Variants in CNTNAP2 observed in about 807,000 individuals in gnomAD.
CNTNAP2 encodes the protein contactin associated protein 2.
Under a neutral mutation model 155.2 loss-of-function variants are expected in CNTNAP2, and 98 were observed. The observed-to-expected ratio is 0.63, with a 90% CI of 0.54 to 0.75. The LOEUF (loss-of-function observed/expected upper bound fraction) is 0.75, where lower values mean the gene tolerates loss of function less well. Ranked by LOEUF, CNTNAP2 falls within the 30% of genes least tolerant of loss-of-function variation. The pLI is 0.00. For missense variants in CNTNAP2, 1,727 were observed against 1,688.1 expected, an observed-to-expected ratio of 1.02 and a Z score of -0.40; for synonymous variants, 651 against 631.2, an observed-to-expected ratio of 1.03 and a Z score of -0.47.
At chr7:147,838,635 C>T (rs898757864) in intron 13 of CNTNAP2, among the ~76,000 whole-genome samples, 6 of 152,174 alleles carry the variant, frequency 3.9e-5, no homozygotes, top group Non-Finnish European at 7.4e-5. Flanking sequence ...AAAGAATCAC[C>T]TTTGCTCCAG....
rs530068832 is a variant in CNTNAP2 at position 147,410,576 on chromosome 7, G to A, written c.1670+14796G>A. Among the ~76,000 whole-genome samples the A allele has an allele frequency of 1.6e-4, 25 of 152,254 alleles. No homozygotes were observed. In the South Asian group the frequency reaches 5.2e-3, roughly 32 times the overall value. ...ACAAAAACAACCACAAAGAAATGCA[G>A]GTAGTGAGATACTGGATTAAAAAGG... On this transcript the variant is annotated intron_variant, in intron 10 of 23. Coordinates refer to ENST00000361727, the MANE Select transcript of CNTNAP2 (RefSeq NM_014141.6).
intron 1 of CNTNAP2, among the ~76,000 whole-genome samples, chr7:146,648,981 C>T (rs1013866795): frequency 2.0e-5 from 3 of 151,848 alleles, no homozygotes; most frequent in African/African-American, 7.3e-5. Flanking sequence ...TTGTAGTAGA[C>T]AGAAGAAGAC....
At chr7:148,021,050 AC>A (rs1359129172) in intron 15 of CNTNAP2, among the ~76,000 whole-genome samples, 2 of 152,130 alleles carry the variant, frequency 1.3e-5, no homozygotes, top group African/African-American at 4.8e-5. Flanking sequence ...TTTCATTAGC[AC>A]CTGTTTTGTT....
intron 9 of CNTNAP2, among the ~76,000 whole-genome samples, chr7:147,377,066 T>C (rs1035000284): frequency 3.3e-5 from 5 of 151,956 alleles, no homozygotes; most frequent in African/African-American, 1.2e-4. Flanking sequence ...CTTTTCAGTA[T>C]AGTATTTCTT....
chr7:146,842,489 G>T (rs987608323), intron 3 of CNTNAP2, among the ~76,000 whole-genome samples: 2 of 152,056 alleles, frequency 1.3e-5, no homozygotes, highest in African/African-American at 4.8e-5. Flanking sequence ...GTCTGTTCTT[G>T]CACTGCTGTT....
At chr7:148,295,954 A>C (rs1797276660) in intron 21 of CNTNAP2, among the ~76,000 whole-genome samples, 1 of 152,186 alleles carries the variant, frequency 6.6e-6, no homozygotes, top group African/African-American at 2.4e-5. Flanking sequence ...AGATTCAGGA[A>C]AACCCACTGT....
In CNTNAP2 at chr7:147,404,229, G is replaced by A. The variant is rs367779456; in HGVS notation, c.1670+8449G>A. ...TCAATCCTGACATCGTTGTGACTGT[G>A]ATCCCATCAAACTACAAATAATCAA... is the stretch of plus-strand genomic sequence containing the variant. On this transcript the variant is annotated intron_variant, in intron 10 of 23. Coordinates refer to ENST00000361727, the MANE Select transcript of CNTNAP2 (RefSeq NM_014141.6). Among the ~76,000 whole-genome samples the A allele has an allele frequency of 8.5e-5, 13 of 152,154 alleles. No homozygotes were observed. In the East Asian group the frequency reaches 9.6e-4, roughly 11 times the overall value.
intron 10 of CNTNAP2, 104 bp downstream of exon 10, chr7:147,395,884 C>G: frequency 7.6e-7 from 1 of 1,308,428 alleles, no homozygotes; most frequent in African/African-American, 1.4e-5. Flanking sequence ...AAGTTAAAAA[C>G]AGGTAAGGTG....
chr7:147,490,195 G>T (rs1584767085), intron 11 of CNTNAP2, among the ~76,000 whole-genome samples: 1 of 152,078 alleles, frequency 6.6e-6, no homozygotes, highest in Middle Eastern at 3.4e-3. Flanking sequence ...GGAAACAGGA[G>T]GAATAAACTA....
intron 8 of CNTNAP2, among the ~76,000 whole-genome samples, chr7:147,188,910 G>A (rs933251292): frequency 2.0e-5 from 3 of 152,068 alleles, no homozygotes; most frequent in Admixed American, 2.0e-4. Context: ...TTAGGGGCTA[G>A]CATCACAAAA....
At chr7:147,680,099 C>T (rs1038690267) in intron 13 of CNTNAP2, among the ~76,000 whole-genome samples, 3 of 151,576 alleles carry the variant, frequency 2.0e-5, no homozygotes, top group African/African-American at 7.3e-5. Flanking sequence ...CATCAAATAG[C>T]AAAGGGCAAT....
intron 1 of CNTNAP2, among the ~76,000 whole-genome samples, chr7:146,656,940 T>C (rs1800005231): frequency 6.6e-6 from 1 of 152,188 alleles, no homozygotes; most frequent in Non-Finnish European, 1.5e-5. Flanking sequence ...TTTTTGTACA[T>C]TGAGATCCCA....
At position 148,362,418 on chromosome 7, in the gene CNTNAP2, C is replaced by T. The variant is rs1798642492; in HGVS notation, c.3476-21231C>T. On this transcript the variant is annotated intron_variant, in intron 21 of 23. Transcript: ENST00000361727. ...TGTCTTTCCATAAAAAGGTCACACT[C>T]ACAGGTAATTTGACATAGCTTTTTG... Among the ~76,000 whole-genome samples, 4 of 151,968 alleles carry T rather than the reference C, an allele frequency of 2.6e-5. No individual in the cohort carries two copies. In the South Asian group the frequency reaches 8.3e-4, roughly 32 times the overall value.
At chr7:147,445,386 T>C (rs992188886) in intron 10 of CNTNAP2, among the ~76,000 whole-genome samples, 2 of 152,208 alleles carry the variant, frequency 1.3e-5, no homozygotes, top group African/African-American at 4.8e-5. Flanking sequence ...TAGGATTCAC[T>C]TGGTTAGGGC....
intron 1 of CNTNAP2, among the ~76,000 whole-genome samples, chr7:146,464,163 G>T: frequency 7.2e-6 from 1 of 138,782 alleles, no homozygotes; most frequent in Non-Finnish European, 1.6e-5. Flanking sequence ...CTTTTATTTT[G>T]CTCAATGTCT....
At chr7:146,249,046 G>A (rs1799713943) in intron 1 of CNTNAP2, among the ~76,000 whole-genome samples, 1 of 152,074 alleles carries the variant, frequency 6.6e-6, no homozygotes, top group African/African-American at 2.4e-5. Context: ...GAGCTTTTGA[G>A]CCAGGATGAG....
chr7:146,774,872 C>T lies in CNTNAP2; in HGVS notation c.208+491C>T, dbSNP rs543425909. ...CTATTATAAAATCTGTGTAAAAAAT[C>T]GTTAGATGTGTGCAACTACAATGTG... On this transcript the variant is annotated intron_variant, in intron 2 of 23. Coordinates refer to ENST00000361727, the MANE Select transcript of CNTNAP2 (RefSeq NM_014141.6). Among the ~76,000 whole-genome samples the T allele has an allele frequency of 3.0e-4, 45 of 152,214 alleles. No homozygotes were observed. In the South Asian group the frequency reaches 8.7e-3, roughly 29 times the overall value.
intron 4 of CNTNAP2, among the ~76,000 whole-genome samples, chr7:147,068,804 G>T (rs566387699): frequency 1.3e-5 from 2 of 152,116 alleles, no homozygotes; most frequent in Non-Finnish European, 2.9e-5. Flanking sequence ...CCCCTACATT[G>T]CATAAGCCAA....
At chr7:147,946,592 A>G (rs564699677) in intron 14 of CNTNAP2, among the ~76,000 whole-genome samples, 31 of 152,138 alleles carry the variant, frequency 2.0e-4, no homozygotes, top group Admixed American at 9.2e-4. Context: ...AGAGGGTGGA[A>G]TTGTGCTGTT....
Sources: allele counts gnomAD v4.1 joint callset (sites outside exome capture counted in the v4.1 genomes callset), GRCh38; gene constraint gnomAD v4.1.1; transcripts MANE v1.5; gene names NCBI Gene and HGNC (gene_info 2026-07-23, HGNC 2026-07-21).